Variants in EGFR observed in about 807,000 individuals in gnomAD.
EGFR encodes epidermal growth factor receptor.
Under a neutral mutation model 143.0 loss-of-function variants are expected in EGFR, and 58 were observed. That is an observed-to-expected ratio of 0.41 (90% CI 0.33 to 0.50). The LOEUF (loss-of-function observed/expected upper bound fraction) is 0.50, where lower values mean the gene tolerates loss of function less well. EGFR is among the 20% of genes least tolerant of loss of function. The pLI is 0.39. For synonymous variants in EGFR, 613 were observed against 594.4 expected (o/e 1.03, Z -0.45); for missense variants, 1,307 against 1,579.0 (o/e 0.83, Z 2.92).
chr7:55,181,669 G>C (rs1188774726), intron 20 of EGFR, 191 bp downstream of exon 20: 11 of 689,198 alleles, frequency 1.6e-5, no homozygotes, highest in Non-Finnish European at 2.7e-5. Flanking sequence ...TGTCCCATCT[G>C]CATGTGGAAA....
At chr7:55,108,810 T>C (rs1792291681) in intron 1 of EGFR, among the ~76,000 whole-genome samples, 1 of 152,122 alleles carries the variant, frequency 6.6e-6, no homozygotes, top group Admixed American at 6.5e-5. Flanking sequence ...AGGCAATGGA[T>C]GGGTGGAAGC....
intron 1 of EGFR, among the ~76,000 whole-genome samples, chr7:55,028,023 T>TATATAC (rs1271361412): frequency 1.3e-3 from 140 of 110,504 alleles, no homozygotes; most frequent in Non-Finnish European, 2.1e-3. Context: ...TATATATATA[T>TATATAC]ATACACACAC....
intron 6 of EGFR, among the ~76,000 whole-genome samples, chr7:55,153,061 C>A (rs1165547316): frequency 4.6e-5 from 7 of 152,234 alleles, no homozygotes; most frequent in Non-Finnish European, 1.5e-5. Context: ...TTGACTTCGG[C>A]TATACCTCTA....
chr7:55,087,063 A>G (rs115475548), intron 1 of EGFR, among the ~76,000 whole-genome samples: 2,040 of 152,082 alleles, frequency 0.013, 35 homozygotes, highest in African/African-American at 0.046. Context: ...GGCTTTCACT[A>G]CTTCCACTGC....
At chr7:55,114,284 A>G (rs1792695627) in intron 1 of EGFR, among the ~76,000 whole-genome samples, 1 of 152,190 alleles carries the variant, frequency 6.6e-6, no homozygotes, top group African/African-American at 2.4e-5. Flanking sequence ...GCTCATACCT[A>G]TAATCCCAAC....
At chr7:55,169,836 C>A (rs1347899338) in intron 15 of EGFR, among the ~76,000 whole-genome samples, 2 of 152,182 alleles carry the variant, frequency 1.3e-5, no homozygotes, top group African/African-American at 4.8e-5. Context: ...TGTTAGCAAT[C>A]CCTATGGTTG....
intron 4 of EGFR, among the ~76,000 whole-genome samples, chr7:55,148,378 G>A (rs1794876507): frequency 6.6e-6 from 1 of 151,970 alleles, no homozygotes. Flanking sequence ...AACAACTGTG[G>A]GAAAGACCCA....
chr7:55,145,315 C>T (rs902926652), intron 3 of EGFR, among the ~76,000 whole-genome samples: 2 of 152,224 alleles, frequency 1.3e-5, no homozygotes, highest in African/African-American at 2.4e-5. Context: ...TTCCATCCAC[C>T]TGTGCATGGC....
intron 13 of EGFR, 145 bp from the exon 14 acceptor site, chr7:55,163,588 A>C: frequency 2.8e-6 from 2 of 708,332 alleles, no homozygotes; most frequent in Non-Finnish European, 5.1e-6. Context: ...AGTTAACAAA[A>C]TCAGCTGATT....
chr7:55,170,391 C>T (rs1413131613), intron 15 of EGFR: 2 of 1,614,154 alleles, frequency 1.2e-6, no homozygotes, highest in East Asian at 4.5e-5. Flanking sequence ...GCAGCGTGTC[C>T]CACCAGAGCG....
intron 1 of EGFR, among the ~76,000 whole-genome samples, chr7:55,082,012 G>A (rs996534408): frequency 6.6e-6 from 1 of 151,758 alleles, no homozygotes; most frequent in Non-Finnish European, 1.5e-5. Flanking sequence ...TTTTCTTTTT[G>A]TTCCTTGTTA....
intron 15 of EGFR, chr7:55,170,202 G>C: frequency 6.3e-7 from 1 of 1,597,430 alleles, no homozygotes; most frequent in Non-Finnish European, 8.5e-7. Context: ...AGAGAACAGA[G>C]ACCTGGAGAG....
chr7:55,150,128 G>C (rs17289746), intron 4 of EGFR, among the ~76,000 whole-genome samples: 13,898 of 152,276 alleles, frequency 0.091, 772 homozygotes, highest in Middle Eastern at 0.18. Context: ...AGAAAAAGAT[G>C]CATTTTTCTT....
intron 1 of EGFR, among the ~76,000 whole-genome samples, chr7:55,067,842 A>G (rs1789593959): frequency 6.6e-6 from 1 of 151,090 alleles, no homozygotes; most frequent in Admixed American, 6.6e-5. Flanking sequence ...GTATGTGTGC[A>G]CGTGTGCGCC....
chr7:55,094,638 T>C (rs1791334182), intron 1 of EGFR, among the ~76,000 whole-genome samples: 1 of 152,130 alleles, frequency 6.6e-6, no homozygotes. Flanking sequence ...CTTTCTAACT[T>C]CTCCTTTCAC....
intron 1 of EGFR, among the ~76,000 whole-genome samples, chr7:55,117,387 TG>T (rs1485207113): frequency 6.6e-6 from 1 of 151,500 alleles, no homozygotes; most frequent in Admixed American, 6.6e-5. Flanking sequence ...TTTCCCGGGG[TG>T]GGGGGGACCC....
intron 1 of EGFR, among the ~76,000 whole-genome samples, chr7:55,111,353 G>A (rs892488967): frequency 4.0e-5 from 6 of 150,612 alleles, no homozygotes; most frequent in East Asian, 1.9e-4. Flanking sequence ...GTTTCATCTC[G>A]CTTGCTAGAC....
intron 12 of EGFR, 103 bp from the exon 13 acceptor site, chr7:55,161,396 A>G (rs537828797): frequency 2.7e-5 from 39 of 1,464,202 alleles, no homozygotes; most frequent in Non-Finnish European, 3.1e-5. Context: ...TGTGTCACCC[A>G]AGGTCATGGA....
intron 1 of EGFR, among the ~76,000 whole-genome samples, chr7:55,118,182 T>C (rs1792982922): frequency 6.6e-6 from 1 of 152,178 alleles, no homozygotes; most frequent in Admixed American, 6.5e-5. Context: ...AATGGGGACC[T>C]CCTGTTGGAG....
Sources: gnomAD v4.1 joint callset for allele counts (sites outside exome capture counted in the v4.1 genomes callset) on GRCh38, gnomAD v4.1.1 for gene constraint, MANE v1.5 for transcripts, NCBI Gene and HGNC (gene_info 2026-07-23, HGNC 2026-07-21) for gene names.